The following ZNF75D variants were observed in gnomAD, a reference collection of about 807,000 sequenced individuals.
ZNF75D encodes zinc finger protein 75.
In ZNF75D, 33 loss-of-function variants were observed where a neutral mutation model predicts 33.3. The observed-to-expected ratio is 0.99, with a 90% CI of 0.75 to 1.32. ZNF75D has a LOEUF of 1.32. Among genes scored for constraint, ZNF75D ranks in the 40% most tolerant of loss-of-function variants. ZNF75D has a pLI of 0.00. For missense variants in ZNF75D, 338 were observed against 367.5 expected (o/e 0.92, Z 0.66); for synonymous variants, 113 against 130.6 (o/e 0.87, Z 0.92).
intron 3 of ZNF75D, among the ~76,000 whole-genome samples, chrX:135,293,427 T>C (rs2084076922): frequency 8.9e-6 from 1 of 111,758 alleles, no homozygotes; most frequent in Non-Finnish European, 1.9e-5. Flanking sequence ...CCTTTATTTC[T>C]CTTTTTCTAA....
chrX:135,341,474 C>T (rs1255791357), intron 1 of ZNF75D, among the ~76,000 whole-genome samples: 1 of 111,970 alleles, frequency 8.9e-6, no homozygotes, highest in Non-Finnish European at 1.9e-5. Flanking sequence ...TTTAGTTCAG[C>T]TTTGTCTCAC....
intron 1 of ZNF75D, among the ~76,000 whole-genome samples, chrX:135,311,939 A>G (rs892936719): frequency 8.9e-6 from 1 of 112,128 alleles, no homozygotes; most frequent in South Asian, 3.7e-4. Context: ...GTAATGATCA[A>G]GTAAGGGTAT....
At chrX:135,311,323 C>T (rs782348498) in intron 1 of ZNF75D, among the ~76,000 whole-genome samples, 1 of 112,179 alleles carries the variant, frequency 8.9e-6, no homozygotes, top group Non-Finnish European at 1.9e-5. Flanking sequence ...AGGGTGCAAT[C>T]AGCAGCTGAC....
chrX:135,278,467 A>G (rs2083907851), intron 1 of ZNF75D, among the ~76,000 whole-genome samples: 1 of 111,594 alleles, frequency 9.0e-6, no homozygotes, highest in African/African-American at 3.3e-5. Flanking sequence ...TTTCTATTTG[A>G]ATACCCTTTA....
chrX:135,288,494 C>T (rs1394683534), intron 6 of ZNF75D, among the ~76,000 whole-genome samples: 1 of 112,333 alleles, frequency 8.9e-6, no homozygotes, highest in Non-Finnish European at 1.9e-5. Flanking sequence ...TTGTTATTTT[C>T]TATTTATTAC....
intron 1 of ZNF75D, among the ~76,000 whole-genome samples, chrX:135,271,203 C>G (rs190589382): frequency 8.9e-6 from 1 of 111,792 alleles, no homozygotes; most frequent in Non-Finnish European, 1.9e-5. Flanking sequence ...GACCTGAGCT[C>G]ATGTACCATC....
In ZNF75D at chrX:135,265,964, G is replaced by A. The variant is rs183308654; in HGVS notation, n.828-10187C>T. ...ACAAGAAACAATAAAAACTTAAAAAGCAGAGGGATGAAGTTAAAGTGTTGA... is the reference window on the plus strand; with the variant it reads ...ACAAGAAACAATAAAAACTTAAAAAACAGAGGGATGAAGTTAAAGTGTTGA... On this transcript the variant is annotated intron_variant and non_coding_transcript_variant, in intron 1 of 3. Coordinates refer to the ZNF75D transcript ENST00000494295. Among the ~76,000 whole-genome samples, 271 of 112,081 alleles carry A rather than the reference G, an allele frequency of 2.4e-3. 1 individual carries two copies. The highest frequency in any genetic ancestry group is 7.8e-3 in the African/African-American group (243 of 30,970).
At chrX:135,318,625 TAAC>T (rs1285175098) in intron 1 of ZNF75D, among the ~76,000 whole-genome samples, 1 of 111,944 alleles carries the variant, frequency 8.9e-6, no homozygotes, top group Non-Finnish European at 1.9e-5. Flanking sequence ...TAATATTCAT[TAAC>T]AATTATAAAC....
Position 135,287,117 on chromosome X carries a change from G to C in ZNF75D, c.*20C>G. On this transcript the variant is annotated 3_prime_UTR_variant, in exon 7 of 7. Coordinates refer to ENST00000370766, the MANE Select transcript of ZNF75D (RefSeq NM_007131.5). Reference sequence around the variant, plus strand: ...ATTCTTTCACCACTTCTAAAGTCAAGCTCTACATGGTAACTTTCCTCAGTT... The same window carrying C: ...ATTCTTTCACCACTTCTAAAGTCAACCTCTACATGGTAACTTTCCTCAGTT... 1 of 1,151,781 alleles carries C rather than the reference G, an allele frequency of 8.7e-7. No individual in the cohort carries two copies. Among genetic ancestry groups the C allele is most frequent in the Non-Finnish European group, 1.2e-6 (1 of 855,840 alleles). The allele number at this position is 1,151,781 out of a possible 1,213,427, so 94.9% of individuals were successfully genotyped here.
At chrX:135,313,631 T>C (rs2084386694) in intron 1 of ZNF75D, among the ~76,000 whole-genome samples, 1 of 112,209 alleles carries the variant, frequency 8.9e-6, no homozygotes, top group Admixed American at 9.4e-5. Flanking sequence ...GTCTTTCCAT[T>C]TGTTTGTGTC....
chrX:135,297,230 C>T (rs1347132088), intron 1 of ZNF75D: 1 of 111,754 alleles, frequency 8.9e-6, no homozygotes, highest in African/African-American at 3.3e-5. Context: ...GTAAAAAGCA[C>T]CTGTTTGATT....
intron 1 of ZNF75D, among the ~76,000 whole-genome samples, chrX:135,307,579 G>C (rs868993583): frequency 9.0e-6 from 1 of 111,372 alleles, no homozygotes; most frequent in Admixed American, 9.5e-5. Context: ...AATATGGCTT[G>C]AGACATATGC....
chrX:135,264,724 G>T (rs141313217), intron 1 of ZNF75D, among the ~76,000 whole-genome samples: 2 of 111,464 alleles, frequency 1.8e-5, no homozygotes, highest in African/African-American at 6.5e-5. Flanking sequence ...AGAAATTCTA[G>T]AGTTGAAAAA....
intron 1 of ZNF75D, among the ~76,000 whole-genome samples, chrX:135,303,356 G>A (rs782231085): frequency 2.7e-5 from 3 of 111,673 alleles, no homozygotes; most frequent in African/African-American, 9.8e-5. Context: ...TATCACATGG[G>A]GAGAAACCTT....
intron 1 of ZNF75D, among the ~76,000 whole-genome samples, chrX:135,256,051 A>G (rs1454346011): frequency 1.5e-4 from 1 of 6,592 alleles, no homozygotes; most frequent in Non-Finnish European, 2.9e-4. Context: ...AGGGAAAGTC[A>G]CCTTGGCAGG....
At chrX:135,299,252 A>G (rs1477445103) in intron 1 of ZNF75D, among the ~76,000 whole-genome samples, 2 of 111,825 alleles carry the variant, frequency 1.8e-5, no homozygotes, top group African/African-American at 6.5e-5. Context: ...TCCCCCCAGT[A>G]CTGTGTGAGG....
chrX:135,326,684 C>T (rs1284405755), intron 1 of ZNF75D, among the ~76,000 whole-genome samples: 9 of 111,818 alleles, frequency 8.0e-5, no homozygotes, highest in African/African-American at 1.3e-4. Context: ...TAACACTCAC[C>T]GCGAAGATCT....
intron 1 of ZNF75D, among the ~76,000 whole-genome samples, chrX:135,314,126 T>C (rs1231749181): frequency 8.9e-6 from 1 of 111,953 alleles, no homozygotes; most frequent in Non-Finnish European, 1.9e-5. Context: ...ACCTGTGGTT[T>C]TGTCATATAT....
chrX:135,257,336 G>T (rs2083808445), intron 1 of ZNF75D, among the ~76,000 whole-genome samples: 1 of 110,615 alleles, frequency 9.0e-6, no homozygotes, highest in Admixed American at 9.5e-5. Context: ...ACAAGCTGAT[G>T]GAAGAGCCCT....
Sources: gnomAD v4.1 joint callset for allele counts (sites outside exome capture counted in the v4.1 genomes callset) on GRCh38, gnomAD v4.1.1 for gene constraint, MANE v1.5 for transcripts, NCBI Gene and HGNC (gene_info 2026-07-23, HGNC 2026-07-21) for gene names.